SLC35F2: variants seen among roughly 807,000 people sequenced by gnomAD.
The protein encoded by SLC35F2 is queuine/queuosine transporter SLC35F2.
SLC35F2 carries 25 observed loss-of-function variants against 38.1 expected under a neutral mutation model. That is an observed-to-expected ratio of 0.66 (90% CI 0.48 to 0.92). The LOEUF is 0.92. Among genes scored for constraint, SLC35F2 ranks in the 40% least tolerant of loss-of-function variants. SLC35F2 has a pLI of 0.00. For synonymous variants in SLC35F2, 173 were observed against 181.7 expected, an observed-to-expected ratio of 0.95 and a Z score of 0.38; for missense variants, 409 against 452.9, an observed-to-expected ratio of 0.90 and a Z score of 0.88.
intron 7 of SLC35F2, among the ~76,000 whole-genome samples, chr11:107,801,029 C>T (rs1176502510): frequency 7.9e-5 from 12 of 151,388 alleles, no homozygotes. Flanking sequence ...CTCGGCTTCC[C>T]GAGTAGCTGG....
rs998250527 is a variant in SLC35F2 at position 107,791,874 on chromosome 11, G to A, written c.*741C>T. 3 of 151,778 alleles carry A rather than the reference G, an allele frequency of 2.0e-5. No homozygotes were observed. The highest frequency in any genetic ancestry group is 7.2e-5 in the African/African-American group (3 of 41,398). The allele number at this position is 151,778 out of a possible 1,614,324, so 9.4% of individuals were successfully genotyped here. ...AAAAATACAAAACTTAGCTGGGCGTGGGGCCACATGCTTTTGTAATCCCAG... is the reference window on the plus strand; with the variant it reads ...AAAAATACAAAACTTAGCTGGGCGTAGGGCCACATGCTTTTGTAATCCCAG... On this transcript the variant is annotated 3_prime_UTR_variant, in exon 8 of 8. Transcript: ENST00000525815.
At chr11:107,843,895 ATATATATATATATG>A (rs1565440784) in intron 1 of SLC35F2, among the ~76,000 whole-genome samples, 4 of 125,782 alleles carry the variant, frequency 3.2e-5, no homozygotes, top group African/African-American at 1.2e-4. Flanking sequence ...ATATATATAT[ATATATATATATATG>A]TATATTAATT....
intron 1 of SLC35F2, among the ~76,000 whole-genome samples, chr11:107,838,987 T>C (rs534297278): frequency 5.3e-5 from 8 of 152,248 alleles, no homozygotes; most frequent in East Asian, 3.9e-4. Context: ...TTAGTACCAT[T>C]ATACTGTTGA....
At chr11:107,821,671 C>A in intron 1 of SLC35F2, 1 of 955,356 alleles carries the variant, frequency 1.0e-6, no homozygotes, top group African/African-American at 1.8e-5. Context: ...AGCAAAGCTG[C>A]CAGAAGAAAC....
chr11:107,847,808 T>C (rs192083053), intron 1 of SLC35F2, among the ~76,000 whole-genome samples: 1 of 152,246 alleles, frequency 6.6e-6, no homozygotes, highest in East Asian at 1.9e-4. Flanking sequence ...GCAGGTATGG[T>C]GTGCACAAGG....
At chr11:107,822,379 T>C (rs1210397645) in intron 1 of SLC35F2, among the ~76,000 whole-genome samples, 1 of 152,172 alleles carries the variant, frequency 6.6e-6, no homozygotes, top group Non-Finnish European at 1.5e-5. Flanking sequence ...CCAATGAAAA[T>C]ATATTTTTAT....
chr11:107,829,091 G>C (rs1405803377), intron 1 of SLC35F2, among the ~76,000 whole-genome samples: 5 of 146,702 alleles, frequency 3.4e-5, no homozygotes, highest in Non-Finnish European at 5.9e-5. Flanking sequence ...CTGGGCGACA[G>C]AGTGAGACTG....
intron 1 of SLC35F2, among the ~76,000 whole-genome samples, chr11:107,856,028 C>G (rs1444298092): frequency 2.7e-5 from 4 of 149,646 alleles, no homozygotes; most frequent in Non-Finnish European, 4.4e-5. Flanking sequence ...TCACTTGAAC[C>G]CGGGAGGCAG....
chr11:107,841,723 G>C (rs528614673), intron 1 of SLC35F2, among the ~76,000 whole-genome samples: 11 of 152,142 alleles, frequency 7.2e-5, no homozygotes, highest in African/African-American at 2.7e-4. Flanking sequence ...TGTAATCCCA[G>C]CATTTTGGAA....
In SLC35F2 at chr11:107,811,801, G is replaced by T; in HGVS notation, c.287-7C>A. ...ACTAAAAGGTTATCACTGCCTGGTT[G>T]AAAGAAATATGGGTTAGTACATGTT... On this transcript the variant is annotated splice_region_variant and splice_polypyrimidine_tract_variant and intron_variant, in intron 2 of 7. Coordinates refer to ENST00000525815, the MANE Select transcript of SLC35F2 (RefSeq NM_017515.5). The T allele has an allele frequency of 6.2e-7, 1 of 1,612,898 alleles. No individual in the cohort carries two copies. Among genetic ancestry groups the T allele is most frequent in the Non-Finnish European group, 8.5e-7 (1 of 1,179,278 alleles).
intron 7 of SLC35F2, among the ~76,000 whole-genome samples, chr11:107,799,657 C>T (rs28421595): frequency 6.6e-6 from 1 of 152,000 alleles, no homozygotes; most frequent in Admixed American, 6.6e-5. Flanking sequence ...ATGGCATGAT[C>T]TCGGCTCACT....
chr11:107,801,204 G>A (rs998224504), intron 7 of SLC35F2, among the ~76,000 whole-genome samples: 1 of 152,066 alleles, frequency 6.6e-6, no homozygotes, highest in African/African-American at 2.4e-5. Context: ...ATTGCACCTG[G>A]CCCTCAAAAC....
At chr11:107,816,221 A>G in intron 1 of SLC35F2, 2 of 985,100 alleles carry the variant, frequency 2.0e-6, no homozygotes, top group Non-Finnish European at 2.4e-6. Flanking sequence ...CCATTTAGAG[A>G]TCATTTTGAT....
In SLC35F2 at chr11:107,804,754, T is replaced by C; in HGVS notation, c.748A>G (p.Lys250Glu). ...SGIQLLIVEY[K>E]DIASIHWDWK... ...TCCCAATGAATGCTGGCAATATCCT[T>C]ATATTCCACAATCAATCTAAGATTA... The change falls in exon 6 of 8, where the codon AAG becomes GAG. Residue 250 changes from lysine (K) to glutamate (E), a missense_variant. Lys to Glu is a moderately conservative substitution (Grantham distance 56, BLOSUM62 1). Transcript: ENST00000525815. 6.2e-7 allele frequency: 1 copy of C among 1,607,350 alleles called. No individual in the cohort carries two copies. Among genetic ancestry groups the C allele is most frequent in the South Asian group, 1.1e-5 (1 of 89,242 alleles).
At chr11:107,805,709 G>A in intron 4 of SLC35F2, 194 bp from the exon 5 acceptor site, 1 of 975,680 alleles carries the variant, frequency 1.0e-6, no homozygotes, top group Non-Finnish European at 1.2e-6. Flanking sequence ...AGACAGTCTT[G>A]CTCTGTTGCT....
At position 107,849,586 on chromosome 11, in the gene SLC35F2, C is replaced by A. The variant is rs1212574413; in HGVS notation, c.110+9072G>T. On this transcript the variant is annotated intron_variant, in intron 1 of 7. Transcript: ENST00000525815. ...CCTGGGAGGCGAAAGTTGCAGTGAG[C>A]TGAGATTGCGCCACTGCACTCCAGC... is the stretch of plus-strand genomic sequence containing the variant. Among the ~76,000 whole-genome samples, 7 of 148,104 alleles carry A rather than the reference C, an allele frequency of 4.7e-5. No individual in the cohort carries two copies. The Admixed American group carries it at 4.8e-4, about 10-fold the overall frequency.
chr11:107,836,821 C>T (rs552874496), intron 1 of SLC35F2, among the ~76,000 whole-genome samples: 2 of 152,296 alleles, frequency 1.3e-5, no homozygotes, highest in East Asian at 1.9e-4. Flanking sequence ...TTTGTTATGA[C>T]AGCAATAGAA....
At chr11:107,854,225 A>G (rs1860239957) in intron 1 of SLC35F2, among the ~76,000 whole-genome samples, 1 of 151,588 alleles carries the variant, frequency 6.6e-6, no homozygotes, top group African/African-American at 2.4e-5. Context: ...TGAGCCAAAG[A>G]GTTTGAGACC....
chr11:107,811,632 A>T (rs11825238), intron 3 of SLC35F2, 35 bp downstream of exon 3: 131,299 of 1,557,660 alleles, frequency 0.084, 11,274 homozygotes, highest in East Asian at 0.45. Context: ...TTTTGAAGCT[A>T]TAAAATCCAA....
Sources: allele counts gnomAD v4.1 joint callset (sites outside exome capture counted in the v4.1 genomes callset), GRCh38; gene constraint gnomAD v4.1.1; transcripts MANE v1.5; gene names NCBI Gene and HGNC (gene_info 2026-07-23, HGNC 2026-07-21).